Variants in CCN4 observed in about 807,000 individuals in gnomAD.
The protein encoded by CCN4 is CCN family member 4.
CCN4 carries 30 observed loss-of-function variants against 36.7 expected under a neutral mutation model. The ratio of observed to expected loss-of-function variants is 0.82; its 90% CI spans 0.61 to 1.11. The LOEUF (loss-of-function observed/expected upper bound fraction) is 1.11, where lower values mean the gene tolerates loss of function less well. Ranked by LOEUF, CCN4 falls within the 50% of genes least tolerant of loss-of-function variation. The pLI is 0.00. For missense variants in CCN4, 505 were observed against 504.9 expected (o/e 1.00, Z 0.00); for synonymous variants, 191 against 195.4 (o/e 0.98, Z 0.19).
intron 1 of CCN4, among the ~76,000 whole-genome samples, chr8:133,197,580 T>A (rs577575201): frequency 6.6e-6 from 1 of 151,918 alleles, no homozygotes; most frequent in African/African-American, 2.4e-5. Context: ...CTCCTCTCTA[T>A]GAAAGAAGGA....
chr8:133,219,777 A>G (rs1294932318), intron 2 of CCN4, among the ~76,000 whole-genome samples: 1 of 152,198 alleles, frequency 6.6e-6, no homozygotes, highest in Non-Finnish European at 1.5e-5. Context: ...GATTTTTCTG[A>G]AATAGATTAT....
At chr8:133,191,977 G>A (rs1012069910) in intron 1 of CCN4, among the ~76,000 whole-genome samples, 3 of 152,206 alleles carry the variant, frequency 2.0e-5, no homozygotes, top group Admixed American at 6.5e-5. Context: ...AGTCACATAT[G>A]TGACCGTGTA....
Position 133,222,820 on chromosome 8 carries a change from A to G in CCN4, c.610+1979A>G, listed in dbSNP as rs749158771. On this transcript the variant is annotated intron_variant, in intron 3 of 4. Transcript: ENST00000250160. ...TGGTAGTTTTTTTAAAAAAAATTAT[A>G]TATGCTAAAGATTGCTCAGGGACGG... Among the ~76,000 whole-genome samples, 6 of 151,792 alleles carry G rather than the reference A, an allele frequency of 4.0e-5. No individual in the cohort carries two copies. In the South Asian group the frequency reaches 6.2e-4, roughly 16 times the overall value.
Position 133,227,563 on chromosome 8 carries a change from C to T in CCN4, c.957C>T (p.Asp319=), listed in dbSNP as rs758449163. 3.7e-5 allele frequency: 60 copies of T among 1,614,092 alleles called. No individual in the cohort carries two copies. Among genetic ancestry groups the T allele is most frequent in the Non-Finnish European group, 3.8e-5 (45 of 1,180,056 alleles). The change falls in exon 5 of 5, where the codon GAC becomes GAT. Residue 319 remains aspartate (D), a synonymous_variant. Transcript: ENST00000250160. ...TCCCCTACAAGTCTAAGACTATCGACGTGTCCTTCCAGTGTCCTGATGGGC... is the reference window on the plus strand; with the variant it reads ...TCCCCTACAAGTCTAAGACTATCGATGTGTCCTTCCAGTGTCCTGATGGGC... ...CCIPYKSKTI[D]VSFQCPDGLG... is the part of the protein sequence containing the mutation.
chr8:133,227,627 T>G lies in CCN4; in HGVS notation c.1021T>G (p.Phe341Val). The G allele has an allele frequency of 6.2e-7, 1 of 1,614,268 alleles. No individual in the cohort carries two copies. The highest frequency in any genetic ancestry group is 1.3e-5 in the African/African-American group (1 of 75,068). The change falls in exon 5 of 5, where the codon TTC (phenylalanine) becomes GTC (valine). Residue 341 changes from phenylalanine (F) to valine (V), a missense_variant. Transcript: ENST00000250160. The stretch of plus-strand genomic sequence containing the variant: ...CCAGGTCCTATGGATTAATGCCTGC[T>G]TCTGTAACCTGAGCTGTAGGAATCC... Reference protein sequence around the residue: ...SRQVLWINACFCNLSCRNPND... With the variant: ...SRQVLWINACVCNLSCRNPND...
chr8:133,208,318 C>T (rs957452042), intron 1 of CCN4, among the ~76,000 whole-genome samples: 3 of 152,048 alleles, frequency 2.0e-5, no homozygotes, highest in Non-Finnish European at 2.9e-5. Flanking sequence ...GCGAGCTAAG[C>T]GATGGTAGCA....
chr8:133,219,065 TC>T (rs1244413222), intron 2 of CCN4, among the ~76,000 whole-genome samples: 3 of 152,060 alleles, frequency 2.0e-5, no homozygotes, highest in African/African-American at 4.8e-5. Context: ...CTCAGGGTGG[TC>T]CCCCATGCTA....
chr8:133,225,627 C>G, intron 4 of CCN4, 44 bp downstream of exon 4: 3 of 1,480,398 alleles, frequency 2.0e-6, no homozygotes, highest in Non-Finnish European at 2.7e-6. Flanking sequence ...CACAAGCAGA[C>G]AAATATGGGT....
intron 1 of CCN4, 40 bp downstream of exon 1, chr8:133,191,253 C>G (rs558840707): frequency 1.3e-6 from 2 of 1,585,362 alleles, no homozygotes; most frequent in East Asian, 2.3e-5. Flanking sequence ...AGACCCAGCT[C>G]CCTTCTCTAC....
At chr8:133,208,795 C>A (rs921583642) in intron 1 of CCN4, among the ~76,000 whole-genome samples, 4 of 152,188 alleles carry the variant, frequency 2.6e-5, no homozygotes, top group African/African-American at 9.6e-5. Context: ...AGCCACTCCC[C>A]TGTCATCCCA....
rs144526837 is a variant in CCN4 at position 133,220,641 on chromosome 8, A to G, written c.410A>G (p.Gln137Arg). ...GVRYNNGQSF[Q>R]PNCKYNCTCI... Reference sequence around the variant, plus strand: ...CGCTACAACAACGGCCAGTCCTTCCAGCCTAACTGCAAGTACAACTGCACG... The same window carrying G: ...CGCTACAACAACGGCCAGTCCTTCCGGCCTAACTGCAAGTACAACTGCACG... The change falls in exon 3 of 5, where the codon CAG (glutamine) becomes CGG (arginine). Residue 137 changes from glutamine (Q) to arginine (R), a missense_variant. By Grantham distance (43) the Gln-to-Arg change is conservative. Transcript: ENST00000250160. 2 of 1,614,076 alleles carry G rather than the reference A, an allele frequency of 1.2e-6. No individual in the cohort carries two copies. Among genetic ancestry groups the G allele is most frequent in the African/African-American group, 2.7e-5 (2 of 74,950 alleles).
intron 1 of CCN4, among the ~76,000 whole-genome samples, chr8:133,203,757 G>C (rs753723): frequency 0.45 from 68,850 of 152,034 alleles, 17,439 homozygotes; most frequent in Middle Eastern, 0.63. Flanking sequence ...CACACTCTTA[G>C]AAGAGAAAGG....
At chr8:133,215,227 G>A (rs1054912426) in intron 2 of CCN4, among the ~76,000 whole-genome samples, 1 of 152,196 alleles carries the variant, frequency 6.6e-6, no homozygotes, top group Non-Finnish European at 1.5e-5. Context: ...GTCTCTGGAA[G>A]TGGGAATGAG....
chr8:133,196,080 T>G (rs1473542007), intron 1 of CCN4, among the ~76,000 whole-genome samples: 1 of 152,214 alleles, frequency 6.6e-6, no homozygotes, highest in African/African-American at 2.4e-5. Flanking sequence ...AGCACAGCTG[T>G]CCCCTCATTC....
chr8:133,219,723 A>G (rs1475699289), intron 2 of CCN4, among the ~76,000 whole-genome samples: 3 of 152,258 alleles, frequency 2.0e-5, no homozygotes, highest in African/African-American at 7.2e-5. Context: ...ATTCCTATGC[A>G]TAATTGTTCT....
rs1021441152 is a variant in CCN4 at position 133,199,351 on chromosome 8, C to G, written c.69+8138C>G. The stretch of plus-strand genomic sequence containing the variant: ...TGAAGAGGAGGCGGGCAGCACACAG[C>G]CTGGGTCAAGAGCCAGCTCCACCAC... On this transcript the variant is annotated intron_variant, in intron 1 of 4. Coordinates refer to ENST00000250160, the MANE Select transcript of CCN4 (RefSeq NM_003882.4). Among the ~76,000 whole-genome samples the G allele has an allele frequency of 9.5e-4, 145 of 152,180 alleles. 1 individual carries two copies. The highest frequency in any genetic ancestry group is 3.1e-4 in the Non-Finnish European group (21 of 68,026).
intron 1 of CCN4, among the ~76,000 whole-genome samples, chr8:133,191,592 G>A (rs1328999454): frequency 1.3e-5 from 2 of 152,286 alleles, no homozygotes; most frequent in African/African-American, 2.4e-5. Flanking sequence ...CAGGAGCAGC[G>A]TAAAGCGACG....
chr8:133,194,365 G>A (rs1388560990), intron 1 of CCN4, among the ~76,000 whole-genome samples: 1 of 110,394 alleles, frequency 9.1e-6, no homozygotes, highest in Admixed American at 8.8e-5. Flanking sequence ...GGTGTGTGGG[G>A]GTGTGTGTGT....
At chr8:133,207,971 G>GGT (rs764623297) in intron 1 of CCN4, among the ~76,000 whole-genome samples, 23 of 149,058 alleles carry the variant, frequency 1.5e-4, no homozygotes, top group Non-Finnish European at 3.4e-4. Flanking sequence ...TTCCACTGAT[G>GGT]GTGCACTCAC....
Sources: gnomAD v4.1 joint callset for allele counts (sites outside exome capture counted in the v4.1 genomes callset) on GRCh38, gnomAD v4.1.1 for gene constraint, MANE v1.5 for transcripts, NCBI Gene and HGNC (gene_info 2026-07-23, HGNC 2026-07-21) for gene names.